CLVS1: variants seen among roughly 807,000 people sequenced by gnomAD.
CLVS1 encodes the protein clavesin 1, also known as clavesin-1.
CLVS1 carries 10 observed loss-of-function variants against 33.1 expected under a neutral mutation model. The observed-to-expected ratio is 0.30, with a 90% CI of 0.19 to 0.51. The LOEUF is 0.51. Among genes scored for constraint, CLVS1 ranks in the 20% least tolerant of loss-of-function variants. CLVS1 has a pLI of 0.97. For synonymous variants in CLVS1, 163 were observed against 166.1 expected (o/e 0.98, Z 0.14); for missense variants, 343 against 433.4 (o/e 0.79, Z 1.85).
At chr8:60,980,610 AC>A in the CLVS1 span, among the ~76,000 whole-genome samples, 1 of 152,276 alleles carries the variant, frequency 6.6e-6, no homozygotes, top group East Asian at 1.9e-4. Flanking sequence ...ACATGGTGAA[AC>A]CTCGCCTCCA....
chr8:61,305,230 A>T (rs11989286), intron 2 of CLVS1, among the ~76,000 whole-genome samples: 3,534 of 150,856 alleles, frequency 0.023, 119 homozygotes, highest in African/African-American at 0.078. Context: ...ATTGAGGTAA[A>T]ATATATATAT....
chr8:61,412,941 T>A (rs563036322), intron 3 of CLVS1, among the ~76,000 whole-genome samples: 2 of 152,310 alleles, frequency 1.3e-5, no homozygotes, highest in East Asian at 3.9e-4. Context: ...ATTATACTAG[T>A]TTTTCCCCCA....
chr8:61,216,943 A>G (rs1237078089), intron 2 of CLVS1, among the ~76,000 whole-genome samples: 1 of 152,220 alleles, frequency 6.6e-6, no homozygotes, highest in Non-Finnish European at 1.5e-5. Context: ...AAACAAATGC[A>G]CAGATTTAAG....
chr8:61,029,530 A>C, the CLVS1 span, among the ~76,000 whole-genome samples: 1 of 152,074 alleles, frequency 6.6e-6, no homozygotes, highest in African/African-American at 2.4e-5. Context: ...CTCGAGACGA[A>C]TGGGACCTGC....
chr8:61,444,143 T>G (rs1009967738), intron 3 of CLVS1, among the ~76,000 whole-genome samples: 4 of 152,186 alleles, frequency 2.6e-5, no homozygotes, highest in African/African-American at 9.6e-5. Flanking sequence ...TCCTTGGGAT[T>G]TTTTAATGTA....
At chr8:61,229,967 T>C (rs991011455) in intron 2 of CLVS1, among the ~76,000 whole-genome samples, 1 of 152,138 alleles carries the variant, frequency 6.6e-6, no homozygotes, top group Admixed American at 6.5e-5. Context: ...AGAGTACTCT[T>C]ATTTGACGTT....
chr8:61,058,581 T>C (rs1808634), intron 1 of CLVS1, among the ~76,000 whole-genome samples: 31,842 of 152,168 alleles, frequency 0.21, 3,627 homozygotes, highest in East Asian at 0.3. Flanking sequence ...ATGTGGAAAG[T>C]GTACAGTTTT....
intron 2 of CLVS1, among the ~76,000 whole-genome samples, chr8:61,267,561 A>G (rs1168195089): frequency 6.6e-6 from 1 of 152,204 alleles, no homozygotes; most frequent in Non-Finnish European, 1.5e-5. Flanking sequence ...AATTATCTTC[A>G]GCCTTGAAAG....
intron 1 of CLVS1, among the ~76,000 whole-genome samples, chr8:61,098,143 G>A (rs1465959580): frequency 6.6e-6 from 1 of 152,114 alleles, no homozygotes; most frequent in Non-Finnish European, 1.5e-5. Context: ...CTGAGTGACA[G>A]AGCGAGACTC....
At chr8:61,245,257 A>G (rs10105259) in intron 2 of CLVS1, among the ~76,000 whole-genome samples, 8,899 of 151,842 alleles carry the variant, frequency 0.059, 604 homozygotes, top group African/African-American at 0.17. Context: ...ATCTCAGCTC[A>G]CTGCAACCTC....
At chr8:61,306,217 A>G (rs1810621587) in intron 2 of CLVS1, among the ~76,000 whole-genome samples, 1 of 152,100 alleles carries the variant, frequency 6.6e-6, no homozygotes, top group African/African-American at 2.4e-5. Context: ...TTTGACTTTA[A>G]TAATAGCCAT....
At chr8:61,418,724 C>T (rs1324653261) in intron 3 of CLVS1, among the ~76,000 whole-genome samples, 1 of 152,146 alleles carries the variant, frequency 6.6e-6, no homozygotes, top group Non-Finnish European at 1.5e-5. Flanking sequence ...TTGAAGCTTA[C>T]AAGATGATCA....
intron 2 of CLVS1, among the ~76,000 whole-genome samples, chr8:61,241,197 T>A (rs1015252649): frequency 1.4e-4 from 21 of 152,306 alleles, no homozygotes; most frequent in Middle Eastern, 3.4e-3. Context: ...TATAGCAATA[T>A]CCTTTATCAG....
chr8:61,346,810 A>G (rs549176902), intron 2 of CLVS1, among the ~76,000 whole-genome samples: 1 of 152,190 alleles, frequency 6.6e-6, no homozygotes, highest in Non-Finnish European at 1.5e-5. Flanking sequence ...GTGTAAGCAC[A>G]AATGTGATCA....
At chr8:61,120,349 G>A (rs201942147) in intron 1 of CLVS1, among the ~76,000 whole-genome samples, 16,409 of 117,814 alleles carry the variant, frequency 0.14, 1,006 homozygotes, top group East Asian at 0.5. Context: ...TAATTTGATC[G>A]TCTGAAGCCT....
At chr8:61,479,944 GT>G (rs1258844555) in intron 5 of CLVS1, among the ~76,000 whole-genome samples, 2 of 152,202 alleles carry the variant, frequency 1.3e-5, no homozygotes, top group Non-Finnish European at 2.9e-5. Context: ...TCCCCTGGAA[GT>G]TTTGTCTCAG....
chr8:61,008,879 A>T, the CLVS1 span, among the ~76,000 whole-genome samples: 3 of 152,212 alleles, frequency 2.0e-5, no homozygotes, highest in Non-Finnish European at 4.4e-5. Context: ...CTAGTAAAAC[A>T]AAACTAGTAT....
At chr8:61,379,071 A>G (rs1813763038) in intron 3 of CLVS1, among the ~76,000 whole-genome samples, 1 of 152,102 alleles carries the variant, frequency 6.6e-6, no homozygotes, top group South Asian at 2.1e-4. Context: ...GAAAAGCCAC[A>G]TGCTTCCTTC....
rs879648785 is a variant in CLVS1, at chr8:61,500,629, T to TCAGA, written c.*1090_*1093dup. Reference sequence around the variant, plus strand: ...TCCCCAACTACTCATTCAAAAGAAATCAGACATAAAATAAACAGACATCAT... The same window carrying TCAGA: ...TCCCCAACTACTCATTCAAAAGAAATCAGACAGACATAAAATAAACAGACATCAT... On this transcript the variant is annotated 3_prime_UTR_variant, in exon 6 of 6. Transcript: ENST00000325897. 1 of 138,484 alleles carries TCAGA rather than the reference T, an allele frequency of 7.2e-6. No homozygotes were observed. The highest frequency in any genetic ancestry group is 1.5e-5 in the Non-Finnish European group (1 of 66,572). 8.6% of individuals were successfully genotyped at this position (138,484 alleles called of 1,614,324 possible).
Sources: allele counts gnomAD v4.1 joint callset (sites outside exome capture counted in the v4.1 genomes callset), GRCh38; gene constraint gnomAD v4.1.1; transcripts MANE v1.5; gene names NCBI Gene and HGNC (gene_info 2026-07-23, HGNC 2026-07-21).